Variants in TAX1BP1 observed in about 807,000 individuals in gnomAD.
TAX1BP1 encodes Tax1 binding protein 1.
In TAX1BP1, 62 loss-of-function variants were observed where a neutral mutation model predicts 97.7. The observed-to-expected ratio is 0.63, with a 90% confidence interval of 0.52 to 0.78. TAX1BP1 has a LOEUF of 0.78. TAX1BP1 is among the 30% of genes least tolerant of loss of function. The pLI is 0.00. For missense variants in TAX1BP1, 867 were observed against 916.1 expected (o/e 0.95, Z 0.69); for synonymous variants, 340 against 304.2 (o/e 1.12, Z -1.23).
chr7:27,803,292 G>A (rs1260596363), intron 13 of TAX1BP1: 8 of 1,048,390 alleles, frequency 7.6e-6, no homozygotes, highest in Non-Finnish European at 1.0e-5. Context: ...TTCAAATTTA[G>A]GAAAACAGTG....
In TAX1BP1 at chr7:27,769,676, T is replaced by A; in HGVS notation, c.454T>A (p.Leu152Met). ...VVTTKAGLLE[L>M]KIEKTMKEKE... ...TTAATCTGAGTTTTTTGCTTTATAG[T>A]TGAAAATTGAGAAAACCATGAAAGA... The change falls in exon 5 of 17, where the codon TTG becomes ATG. Residue 152 changes from leucine to methionine, a missense_variant and splice_region_variant. Coordinates refer to ENST00000396319, the MANE Select transcript of TAX1BP1 (RefSeq NM_006024.7). 1 of 1,600,682 alleles carries A rather than the reference T, an allele frequency of 6.2e-7. No individual in the cohort carries two copies. Among genetic ancestry groups the A allele is most frequent in the South Asian group, 1.1e-5 (1 of 87,554 alleles).
intron 2 of TAX1BP1, among the ~76,000 whole-genome samples, chr7:27,755,651 T>C (rs1788184923): frequency 6.6e-6 from 1 of 152,212 alleles, no homozygotes; most frequent in Non-Finnish European, 1.5e-5. Flanking sequence ...TTGTTTAATT[T>C]CCATTTTCTC....
intron 12 of TAX1BP1, among the ~76,000 whole-genome samples, chr7:27,798,369 G>A (rs1367297429): frequency 1.3e-5 from 2 of 151,756 alleles, no homozygotes; most frequent in Non-Finnish European, 2.9e-5. Context: ...GAATAACTCT[G>A]TAAGAAATTA....
intron 2 of TAX1BP1, among the ~76,000 whole-genome samples, chr7:27,750,390 A>C (rs1787978100): frequency 6.6e-6 from 1 of 152,226 alleles, no homozygotes; most frequent in Non-Finnish European, 1.5e-5. Context: ...GTATAATGCA[A>C]ATACTCCAAA....
chr7:27,828,571 C>T (rs1782561019), intron 16 of TAX1BP1, 57 bp from the exon 17 acceptor site: 11 of 1,533,478 alleles, frequency 7.2e-6, no homozygotes, highest in Non-Finnish European at 9.0e-6. Flanking sequence ...CATATATGGA[C>T]AAGTTGTTGT....
intron 4 of TAX1BP1, among the ~76,000 whole-genome samples, chr7:27,767,065 A>T (rs1345739231): frequency 6.6e-6 from 1 of 152,180 alleles, no homozygotes; most frequent in African/African-American, 2.4e-5. Context: ...TTTAGTAGTC[A>T]TTGACAGAAA....
intron 13 of TAX1BP1, among the ~76,000 whole-genome samples, chr7:27,801,775 T>C (rs1270499832): frequency 6.6e-6 from 1 of 152,166 alleles, no homozygotes; most frequent in East Asian, 1.9e-4. Flanking sequence ...AATTACGTAG[T>C]TGGTAAATGT....
intron 3 of TAX1BP1, among the ~76,000 whole-genome samples, chr7:27,764,445 A>G (rs1391355977): frequency 6.6e-6 from 1 of 152,202 alleles, no homozygotes; most frequent in African/African-American, 2.4e-5. Flanking sequence ...ATGCCATAGA[A>G]ACAGTATTGT....
chr7:27,741,569 C>T (rs1378303650), intron 1 of TAX1BP1, among the ~76,000 whole-genome samples: 1 of 150,776 alleles, frequency 6.6e-6, no homozygotes, highest in East Asian at 2.0e-4. Flanking sequence ...GGCGCGATCG[C>T]GGCTCATTGC....
intron 5 of TAX1BP1, among the ~76,000 whole-genome samples, chr7:27,781,701 T>G (rs1242860913): frequency 2.0e-5 from 3 of 151,922 alleles, no homozygotes; most frequent in Non-Finnish European, 4.4e-5. Flanking sequence ...TAGACTACAC[T>G]AAATTAATTA....
At chr7:27,795,852 C>G (rs1156779342) in intron 11 of TAX1BP1, among the ~76,000 whole-genome samples, 1 of 152,074 alleles carries the variant, frequency 6.6e-6, no homozygotes, top group Non-Finnish European at 1.5e-5. Context: ...TGCCCGGCCG[C>G]TTTTTAGCAA....
intron 12 of TAX1BP1, among the ~76,000 whole-genome samples, chr7:27,797,468 T>G (rs752067288): frequency 6.6e-6 from 1 of 152,146 alleles, no homozygotes; most frequent in African/African-American, 2.4e-5. Flanking sequence ...GTTTGTTTTT[T>G]TAAATGTGCT....
intron 10 of TAX1BP1, among the ~76,000 whole-genome samples, chr7:27,793,473 G>T (rs1178646821): frequency 2.0e-5 from 3 of 152,066 alleles, no homozygotes; most frequent in Admixed American, 6.5e-5. Flanking sequence ...TCCCTCTTAA[G>T]TTCTTGATAA....
chr7:27,775,583 C>T (rs980078767), intron 5 of TAX1BP1, among the ~76,000 whole-genome samples: 5 of 152,116 alleles, frequency 3.3e-5, no homozygotes, highest in Non-Finnish European at 1.5e-5. Flanking sequence ...GAGATTCTTG[C>T]ATGAGATTTG....
intron 5 of TAX1BP1, among the ~76,000 whole-genome samples, chr7:27,781,793 A>G (rs942457579): frequency 1.3e-5 from 2 of 151,728 alleles, no homozygotes; most frequent in East Asian, 3.9e-4. Flanking sequence ...ATCTCGGCTC[A>G]CTGCAACCTC....
intron 1 of TAX1BP1, among the ~76,000 whole-genome samples, chr7:27,740,896 C>G (rs1344369825): frequency 1.3e-5 from 2 of 152,192 alleles, no homozygotes; most frequent in Non-Finnish European, 1.5e-5. Context: ...CACCCCGCCC[C>G]GTTCGCAAGG....
intron 11 of TAX1BP1, among the ~76,000 whole-genome samples, chr7:27,794,977 A>G (rs1789866326): frequency 6.6e-6 from 1 of 152,220 alleles, no homozygotes. Flanking sequence ...ATTAACTTAT[A>G]GAACAGAATA....
intron 1 of TAX1BP1, among the ~76,000 whole-genome samples, chr7:27,742,326 C>G (rs908327445): frequency 6.6e-6 from 1 of 152,146 alleles, no homozygotes; most frequent in Non-Finnish European, 1.5e-5. Context: ...TGCAGGCTTC[C>G]ACAGTTTTTG....
chr7:27,821,339 G>A (rs1473558685), intron 15 of TAX1BP1, among the ~76,000 whole-genome samples: 1 of 152,056 alleles, frequency 6.6e-6, no homozygotes, highest in South Asian at 2.1e-4. Context: ...TCTTAGAAAA[G>A]TAATTGTTGG....
Sources: allele counts gnomAD v4.1 joint callset (sites outside exome capture counted in the v4.1 genomes callset), GRCh38; gene constraint gnomAD v4.1.1; transcripts MANE v1.5; gene names NCBI Gene and HGNC (gene_info 2026-07-23, HGNC 2026-07-21).